The following PARD3 variants were observed in gnomAD, a reference collection of about 807,000 sequenced individuals.
PARD3 encodes par-3 family cell polarity regulator.
In PARD3, 75 loss-of-function variants were observed where a neutral mutation model predicts 155.4. That is an observed-to-expected ratio of 0.48 (90% CI 0.40 to 0.58). The LOEUF (loss-of-function observed/expected upper bound fraction) is 0.58, where lower values mean the gene tolerates loss of function less well. Ranked by LOEUF, PARD3 falls within the 20% of genes least tolerant of loss-of-function variation. PARD3 has a pLI of 0.00. For synonymous variants in PARD3, 576 were observed against 610.5 expected (o/e 0.94, Z 0.83); for missense variants, 1,642 against 1,721.7 (o/e 0.95, Z 0.82).
At chr10:34,381,827 A>G (rs1346496626) in intron 9 of PARD3, among the ~76,000 whole-genome samples, 1 of 146,110 alleles carries the variant, frequency 6.8e-6, no homozygotes, top group East Asian at 2.2e-4. Flanking sequence ...AGCACTTGGA[A>G]GGCTGACATG....
At chr10:34,345,892 ATT>A in intron 15 of PARD3, 2 of 985,390 alleles carry the variant, frequency 2.0e-6, no homozygotes, top group Non-Finnish European at 2.4e-6. Flanking sequence ...GAATTTTCAA[ATT>A]TGCAAAACAC....
chr10:34,649,850 T>C (rs2133041132), intron 2 of PARD3, among the ~76,000 whole-genome samples: 1 of 152,328 alleles, frequency 6.6e-6, no homozygotes, highest in Non-Finnish European at 1.5e-5. Flanking sequence ...ATATTTCCTT[T>C]CTATCCTTAT....
rs1475534735 is a variant in PARD3, at chr10:34,660,602, C to G, written c.222+35716G>C. Among the ~76,000 whole-genome samples the G allele has an allele frequency of 3.3e-5, 5 of 152,008 alleles. No individual in the cohort carries two copies. The South Asian group carries it at 1.0e-3, about 32-fold the overall frequency. ...TGCACAGCAAAACCGGGCAAATAGC[C>G]ATGCATTTCAGAATAAAGTGTATCT... On this transcript the variant is annotated intron_variant, in intron 2 of 24. Coordinates refer to ENST00000374788, the MANE Select transcript of PARD3 (RefSeq NM_001184785.2).
At chr10:34,632,768 T>A (rs2092321062) in intron 2 of PARD3, among the ~76,000 whole-genome samples, 1 of 152,188 alleles carries the variant, frequency 6.6e-6, no homozygotes, top group African/African-American at 2.4e-5. Context: ...ACCCAGCAAG[T>A]CTTACCTTCA....
chr10:34,588,812 C>A (rs2088359041), intron 2 of PARD3, among the ~76,000 whole-genome samples: 2 of 152,232 alleles, frequency 1.3e-5, no homozygotes, highest in African/African-American at 4.8e-5. Context: ...TCAGTATCAG[C>A]TGGAGAACAT....
rs558013148 is a variant in PARD3, at chr10:34,754,318, T to C, written c.121-57899A>G. Among the ~76,000 whole-genome samples the C allele has an allele frequency of 3.3e-5, 5 of 152,348 alleles. No individual in the cohort carries two copies. In the East Asian group the frequency reaches 7.7e-4, roughly 24 times the overall value. On this transcript the variant is annotated intron_variant, in intron 1 of 24. Coordinates refer to ENST00000374788, the MANE Select transcript of PARD3 (RefSeq NM_001184785.2). ...ACCATGCCTGGCCTGGAATTTTTTA[T>C]ACTGCTAGATTAATTTATTGAGAAA...
chr10:34,433,788 A>C (rs764395077), intron 5 of PARD3, among the ~76,000 whole-genome samples: 10 of 152,168 alleles, frequency 6.6e-5, no homozygotes, highest in Non-Finnish European at 1.5e-4. Context: ...CCAGATATAC[A>C]AATTACAAGC....
chr10:34,745,074 A>G (rs910664916), intron 1 of PARD3, among the ~76,000 whole-genome samples: 1 of 152,232 alleles, frequency 6.6e-6, no homozygotes, highest in African/African-American at 2.4e-5. Context: ...CAAATAAGAA[A>G]AACAAGGCTG....
intron 1 of PARD3, among the ~76,000 whole-genome samples, chr10:34,795,621 G>A (rs555040707): frequency 6.0e-5 from 9 of 150,278 alleles, no homozygotes; most frequent in East Asian, 2.0e-4. Flanking sequence ...AAAAAAAACC[G>A]GGCGTGGTGG....
intron 2 of PARD3, among the ~76,000 whole-genome samples, chr10:34,558,861 C>G (rs2085229022): frequency 6.6e-6 from 1 of 152,158 alleles, no homozygotes; most frequent in African/African-American, 2.4e-5. Context: ...GCAGAAGAAT[C>G]ACTTTAACCT....
chr10:34,532,640 C>T (rs1589906281), intron 2 of PARD3, among the ~76,000 whole-genome samples: 1 of 152,134 alleles, frequency 6.6e-6, no homozygotes, highest in Non-Finnish European at 1.5e-5. Context: ...TTCATAGATC[C>T]TTGTTCTATG....
intron 6 of PARD3, among the ~76,000 whole-genome samples, 163 bp downstream of exon 6, chr10:34,401,663 T>G (rs1042293283): frequency 1.3e-5 from 2 of 152,162 alleles, no homozygotes; most frequent in African/African-American, 2.4e-5. Context: ...ATTACATAAT[T>G]AACTCAAGAG....
chr10:34,676,652 T>A (rs943321207), intron 2 of PARD3, among the ~76,000 whole-genome samples: 1 of 152,160 alleles, frequency 6.6e-6, no homozygotes, highest in South Asian at 2.1e-4. Context: ...TTAGAAATGC[T>A]CGGCGGAATT....
chr10:34,393,285 T>C (rs532260481), intron 7 of PARD3, among the ~76,000 whole-genome samples: 18 of 152,018 alleles, frequency 1.2e-4, no homozygotes, highest in African/African-American at 2.9e-4. Flanking sequence ...ATGTCCATTA[T>C]AGAAAAGATC....
chr10:34,480,020 C>A (rs1242707760), intron 3 of PARD3, among the ~76,000 whole-genome samples: 1 of 152,218 alleles, frequency 6.6e-6, no homozygotes, highest in African/African-American at 2.4e-5. Context: ...GCTGAATAAG[C>A]CTGCCTTTTC....
intron 22 of PARD3, among the ~76,000 whole-genome samples, chr10:34,208,535 A>G (rs1339702803): frequency 6.6e-6 from 1 of 152,182 alleles, no homozygotes; most frequent in African/African-American, 2.4e-5. Context: ...AATAGATCAC[A>G]CCTCATGGCA....
chr10:34,661,673 G>A (rs1267673991), intron 2 of PARD3, among the ~76,000 whole-genome samples: 2 of 152,192 alleles, frequency 1.3e-5, no homozygotes, highest in Non-Finnish European at 2.9e-5. Flanking sequence ...ATTGGGCCTG[G>A]CTATGGTCCA....
intron 2 of PARD3, among the ~76,000 whole-genome samples, chr10:34,612,488 A>G (rs1416150052): frequency 6.6e-6 from 1 of 152,192 alleles, no homozygotes. Context: ...TTTCCAAAGG[A>G]TCGATATGGA....
chr10:34,761,838 A>T (rs1031596144), intron 1 of PARD3, among the ~76,000 whole-genome samples: 9 of 152,328 alleles, frequency 5.9e-5, no homozygotes, highest in African/African-American at 2.2e-4. Flanking sequence ...CCACCAAAAA[A>T]ATTATGTATA....
Sources: allele counts gnomAD v4.1 joint callset (sites outside exome capture counted in the v4.1 genomes callset), GRCh38; gene constraint gnomAD v4.1.1; transcripts MANE v1.5; gene names NCBI Gene and HGNC (gene_info 2026-07-23, HGNC 2026-07-21).